The following ARMC2 variants were observed in gnomAD, a reference collection of about 807,000 sequenced individuals.
ARMC2 encodes armadillo repeat-containing protein 2.
A neutral mutation model predicts 90.3 loss-of-function variants in ARMC2; 67 were observed. The ratio of observed to expected loss-of-function variants is 0.74; its 90% confidence interval spans 0.61 to 0.91. ARMC2 has a LOEUF of 0.91. Among genes scored for constraint, ARMC2 ranks in the 40% least tolerant of loss-of-function variants. The pLI is 0.00. For synonymous variants in ARMC2, 393 were observed against 393.0 expected, an observed-to-expected ratio of 1.00 and a Z score of 0.00; for missense variants, 920 against 1,030.9, an observed-to-expected ratio of 0.89 and a Z score of 1.47.
intron 3 of ARMC2, among the ~76,000 whole-genome samples, chr6:108,868,045 A>G (rs1373138112): frequency 1.3e-5 from 2 of 152,210 alleles, no homozygotes; most frequent in African/African-American, 2.4e-5. Flanking sequence ...AAAAATTTTG[A>G]TATCATTAAA....
chr6:108,892,105 T>C (rs1382869751), intron 5 of ARMC2, among the ~76,000 whole-genome samples: 3 of 152,222 alleles, frequency 2.0e-5, no homozygotes, highest in African/African-American at 7.2e-5. Context: ...AGTTGAAAAG[T>C]ATCTTGCTTG....
chr6:108,876,320 C>T lies in ARMC2; in HGVS notation c.641C>T (p.Thr214Ile), dbSNP rs766527949. 1 of 1,612,196 alleles carries T rather than the reference C, an allele frequency of 6.2e-7. No homozygotes were observed. Among genetic ancestry groups the T allele is most frequent in the Non-Finnish European group, 8.5e-7 (1 of 1,179,374 alleles). ...IKEQEMFKGT[T>I]SLPSHLKNGG... The stretch of plus-strand genomic sequence containing the variant: ...GAGCAAGAAATGTTCAAAGGAACAA[C>T]ATCTTTACCATCTCATCTCAAGAAT... The change falls in exon 5 of 18, where the codon ACA becomes ATA. Residue 214 changes from threonine to isoleucine, a missense_variant. By Grantham distance (89) the Thr-to-Ile change is moderately conservative. Transcript: ENST00000392644.
chr6:109,044,261 G>A, the ARMC2 span, among the ~76,000 whole-genome samples: 3 of 128,988 alleles, frequency 2.3e-5, no homozygotes, highest in South Asian at 2.6e-4. Flanking sequence ...GCAGTGAGCC[G>A]TGATCACACC....
intron 5 of ARMC2, among the ~76,000 whole-genome samples, chr6:108,891,713 G>A (rs1396008158): frequency 6.6e-6 from 1 of 152,174 alleles, no homozygotes; most frequent in African/African-American, 2.4e-5. Flanking sequence ...TCACTCTGAT[G>A]ATAGTTTCTT....
the ARMC2 span, among the ~76,000 whole-genome samples, chr6:109,010,501 A>T: frequency 6.6e-6 from 1 of 152,274 alleles, no homozygotes; most frequent in African/African-American, 2.4e-5. Context: ...AGCAGTAGTT[A>T]TGGCCACAGA....
chr6:108,947,195 T>C (rs1017675438), intron 12 of ARMC2, among the ~76,000 whole-genome samples: 1 of 151,986 alleles, frequency 6.6e-6, no homozygotes, highest in Non-Finnish European at 1.5e-5. Flanking sequence ...TCGAGGAGAC[T>C]TGGTGACTGC....
Position 108,952,809 on chromosome 6 carries a change from G to A in ARMC2, c.1597-224G>A, listed in dbSNP as rs1454916505. The stretch of plus-strand genomic sequence containing the variant: ...GGATCTGAAGGTAATAGACGTTGCT[G>A]ATCACATCAATCAGTTTGTATTCTT... On this transcript the variant is annotated intron_variant, in intron 12 of 17. Transcript: ENST00000392644. Among the ~76,000 whole-genome samples the A allele has an allele frequency of 3.3e-5, 5 of 152,180 alleles. No individual in the cohort carries two copies. The East Asian group carries it at 9.6e-4, about 29-fold the overall frequency.
intron 14 of ARMC2, 129 bp downstream of exon 14, chr6:108,961,823 T>G (rs908098507): frequency 1.6e-6 from 2 of 1,213,744 alleles, no homozygotes; most frequent in Admixed American, 2.5e-5. Flanking sequence ...AGCCTGATGA[T>G]TCTAAGAAAT....
intron 13 of ARMC2, among the ~76,000 whole-genome samples, chr6:108,958,950 G>A (rs1318004840): frequency 6.6e-6 from 1 of 152,196 alleles, no homozygotes; most frequent in Non-Finnish European, 1.5e-5. Context: ...CAGAGTCCTG[G>A]CCAAAGCAAG....
At chr6:109,044,031 G>C in the ARMC2 span, among the ~76,000 whole-genome samples, 1 of 152,022 alleles carries the variant, frequency 6.6e-6, no homozygotes, top group African/African-American at 2.4e-5. Context: ...TAACAAAGAA[G>C]TGGCCAGGTA....
At chr6:108,894,259 G>A (rs750530861) in intron 5 of ARMC2, among the ~76,000 whole-genome samples, 9 of 152,104 alleles carry the variant, frequency 5.9e-5, no homozygotes, top group Admixed American at 3.3e-4. Context: ...CTGGCTACTC[G>A]GGAGCCTGGG....
At chr6:108,951,098 C>G (rs1353055663) in intron 12 of ARMC2, among the ~76,000 whole-genome samples, 1 of 152,200 alleles carries the variant, frequency 6.6e-6, no homozygotes, top group African/African-American at 2.4e-5. Context: ...AATTTTGTCT[C>G]CATTTTGCAA....
At chr6:108,881,296 C>CTTCCTTCCTTCCTT (rs1554239378) in intron 5 of ARMC2, among the ~76,000 whole-genome samples, 1 of 78,176 alleles carries the variant, frequency 1.3e-5, no homozygotes, top group Non-Finnish European at 2.4e-5. Flanking sequence ...CCCTCCCCTC[C>CTTCCTTCCTTCCTT]CCTTCCTTCC....
At position 108,869,645 on chromosome 6, in the gene ARMC2, T is replaced by A. The variant is rs552870944; in HGVS notation, c.463+650T>A. Reference sequence around the variant, plus strand: ...ATTAATGAAAATGATAAGATTCTTATAATGCACATTAAGCTTATTTCTTTG... The same window carrying A: ...ATTAATGAAAATGATAAGATTCTTAAAATGCACATTAAGCTTATTTCTTTG... On this transcript the variant is annotated intron_variant, in intron 4 of 17. Transcript: ENST00000392644. Among the ~76,000 whole-genome samples, 17 of 152,390 alleles carry A rather than the reference T, an allele frequency of 1.1e-4. No individual in the cohort carries two copies. In the South Asian group the frequency reaches 3.5e-3, roughly 32 times the overall value.
At chr6:108,979,132 G>A (rs558843993), downstream of ARMC2, among the ~76,000 whole-genome samples, 124 of 152,240 alleles carry the variant, frequency 8.1e-4, no homozygotes, top group Non-Finnish European at 1.6e-3. Context: ...GGCTGGTACC[G>A]GTTGTTCCTT....
the ARMC2 span, chr6:109,009,521 C>A: frequency 3.4e-6 from 4 of 1,188,352 alleles, no homozygotes; most frequent in East Asian, 1.5e-4. Context: ...CCGGCCGCGG[C>A]TCCTGGCTGC....
the ARMC2 span, among the ~76,000 whole-genome samples, chr6:109,004,401 A>AAGATTAC: frequency 6.6e-6 from 1 of 152,256 alleles, no homozygotes; most frequent in South Asian, 2.1e-4. Flanking sequence ...ATTTTAAAGA[A>AAGATTAC]AGATTACTAT....
chr6:108,936,839 G>A (rs1775995997), intron 11 of ARMC2, 61 bp from the exon 12 acceptor site: 3 of 1,335,270 alleles, frequency 2.2e-6, no homozygotes, highest in South Asian at 1.3e-5. Context: ...GATACTATGT[G>A]TACTTGAATT....
chr6:108,982,523 A>AT, the ARMC2 span, among the ~76,000 whole-genome samples: 15,342 of 152,228 alleles, frequency 0.1, 912 homozygotes, highest in Middle Eastern at 0.19. Flanking sequence ...TGGGAATTCT[A>AT]TTTTTAACTT....
Sources: gnomAD v4.1 joint callset for allele counts (sites outside exome capture counted in the v4.1 genomes callset) on GRCh38, gnomAD v4.1.1 for gene constraint, MANE v1.5 for transcripts, NCBI Gene and HGNC (gene_info 2026-07-23, HGNC 2026-07-21) for gene names.